The following NFE2L2 variants were observed in gnomAD, a reference collection of about 807,000 sequenced individuals.
NFE2L2 encodes the protein NFE2 like bZIP transcription factor 2, also known as nuclear factor erythroid 2-related factor 2.
A neutral mutation model predicts 49.6 loss-of-function variants in NFE2L2; 20 were observed. The ratio of observed to expected loss-of-function variants is 0.40; its 90% CI spans 0.28 to 0.59. The LOEUF (loss-of-function observed/expected upper bound fraction) is 0.59. NFE2L2 is among the 20% of genes least tolerant of loss of function. The probability of loss-of-function intolerance (pLI) is 0.40; values close to 1 mark genes in which losing one functional copy is unlikely to be tolerated. For synonymous variants in NFE2L2, 244 were observed against 256.5 expected (o/e 0.95, Z 0.47); for missense variants, 578 against 714.2 (o/e 0.81, Z 2.17).
chr2:177,262,266 G>C (rs1258626807), intron 1 of NFE2L2, among the ~76,000 whole-genome samples: 2 of 152,110 alleles, frequency 1.3e-5, no homozygotes, highest in African/African-American at 4.8e-5. Flanking sequence ...TAATCTCATC[G>C]GTCTATTTCA....
At chr2:177,251,191 C>T (rs1238118877) in intron 1 of NFE2L2, among the ~76,000 whole-genome samples, 2 of 152,220 alleles carry the variant, frequency 1.3e-5, no homozygotes, top group African/African-American at 4.8e-5. Context: ...TCTTTCCCTT[C>T]ACAGCTCTGG....
chr2:177,264,632 C>G lies in NFE2L2; in HGVS notation c.-56G>C, dbSNP rs1690870700. The stretch of plus-strand genomic sequence containing the variant: ...CCGACGGCGGCCCTGTTCCGGCTGC[C>G]GAGGCGCGGCGCGGACAGGGCGGCT... On this transcript the variant is annotated 5_prime_UTR_variant, in exon 1 of 5. Coordinates refer to ENST00000397062, the MANE Select transcript of NFE2L2 (RefSeq NM_006164.5). 1.4e-6 allele frequency: 2 copies of G among 1,390,034 alleles called. No homozygotes were observed. The highest frequency in any genetic ancestry group is 1.9e-6 in the Non-Finnish European group (2 of 1,059,446). The allele number at this position is 1,390,034 out of a possible 1,614,324, so 86.1% of individuals were successfully genotyped here.
chr2:177,261,290 C>T (rs1019356511), intron 1 of NFE2L2, among the ~76,000 whole-genome samples: 5 of 152,112 alleles, frequency 3.3e-5, no homozygotes, highest in African/African-American at 1.2e-4. Context: ...TGTATTCACT[C>T]TCCCTGTATT....
chr2:177,264,067 G>A (rs1278909431), intron 1 of NFE2L2, among the ~76,000 whole-genome samples: 1 of 152,116 alleles, frequency 6.6e-6, no homozygotes, highest in Non-Finnish European at 1.5e-5. Context: ...CCCGAGAGCG[G>A]CCCCGTGACT....
At chr2:177,264,157 C>T (rs1690853174) in intron 1 of NFE2L2, among the ~76,000 whole-genome samples, 1 of 152,116 alleles carries the variant, frequency 6.6e-6, no homozygotes, top group Non-Finnish European at 1.5e-5. Flanking sequence ...AGACGGCCAG[C>T]GTCCGCCCCC....
chr2:177,237,815 A>G (rs1689804318), intron 1 of NFE2L2, among the ~76,000 whole-genome samples: 1 of 152,094 alleles, frequency 6.6e-6, no homozygotes, highest in African/African-American at 2.4e-5. Flanking sequence ...CACCACGCCC[A>G]GCTGAGAAAC....
At chr2:177,263,901 C>A in intron 1 of NFE2L2, 1 of 985,526 alleles carries the variant, frequency 1.0e-6, no homozygotes, top group Non-Finnish European at 1.2e-6. Context: ...CAAGAGAGCT[C>A]AAGGCTGCCA....
At chr2:177,236,304 G>A (rs535084059) in intron 1 of NFE2L2, among the ~76,000 whole-genome samples, 59 of 152,354 alleles carry the variant, frequency 3.9e-4, no homozygotes, top group Non-Finnish European at 7.9e-4. Context: ...GAAGGTTGGC[G>A]TTGGAATCTT....
In NFE2L2 at chr2:177,264,612, G is replaced by C; in HGVS notation, c.-36C>G. On this transcript the variant is annotated 5_prime_UTR_variant, in exon 1 of 5. Coordinates refer to ENST00000397062, the MANE Select transcript of NFE2L2 (RefSeq NM_006164.5). ...GGACCGTGTGTTGGGGCTCCCCGAC[G>C]GCGGCCCTGTTCCGGCTGCCGAGGC... is the stretch of plus-strand genomic sequence containing the variant. 1 of 1,441,456 alleles carries C rather than the reference G, an allele frequency of 6.9e-7. No individual in the cohort carries two copies. Among genetic ancestry groups the C allele is most frequent in the South Asian group, 1.4e-5 (1 of 70,786 alleles). The allele number at this position is 1,441,456 out of a possible 1,614,324, so 89.3% of individuals were successfully genotyped here.
At chr2:177,264,454 C>G in intron 1 of NFE2L2, 78 bp downstream of exon 1, 5 of 1,436,606 alleles carry the variant, frequency 3.5e-6, no homozygotes, top group Non-Finnish European at 4.7e-6. Context: ...TTGCGGCTGT[C>G]CCTCCCGGGC....
At position 177,231,511 on chromosome 2, in the gene NFE2L2, G is replaced by A. The variant is rs2105452794; in HGVS notation, c.1092C>T (p.Ser364=). Residue 364 remains serine, a synonymous_variant, in exon 5 of 5, where the codon TCC becomes TCT. Coordinates refer to ENST00000397062, the MANE Select transcript of NFE2L2 (RefSeq NM_006164.5). ...VASPEHSVES[S]SYGDTLLGLS... The stretch of plus-strand genomic sequence containing the variant: ...GGCCAAGTAGTGTGTCTCCATAGCT[G>A]GAAGATTCCACTGAGTGTTCTGGTG... 6.2e-7 allele frequency: 1 copy of A among 1,614,204 alleles called. No individual in the cohort carries two copies. The highest frequency in any genetic ancestry group is 8.5e-7 in the Non-Finnish European group (1 of 1,180,026).
chr2:177,230,826 G>C lies in NFE2L2; in HGVS notation c.1777C>G (p.Leu593Val), dbSNP rs1190343868. 1 of 1,593,474 alleles carries C rather than the reference G, an allele frequency of 6.3e-7. No homozygotes were observed. The highest frequency in any genetic ancestry group is 1.4e-5 in the African/African-American group (1 of 73,744). Reference sequence around the variant, plus strand: ...TCTGGCTTCTTACTTTTGGGAACAAGGAAAACATTGCCATCTCTTGTTTGC... The same window carrying C: ...TCTGGCTTCTTACTTTTGGGAACAACGAAAACATTGCCATCTCTTGTTTGC... ...LQQTRDGNVFLVPKSKKPDVK... is the reference protein window; with the variant it reads ...LQQTRDGNVFVVPKSKKPDVK... The change falls in exon 5 of 5, where the codon CTT becomes GTT. Residue 593 changes from leucine (L) to valine (V), a missense_variant. Physicochemically the swap from Leu to Val is conservative, Grantham distance 32. Coordinates refer to ENST00000397062, the MANE Select transcript of NFE2L2 (RefSeq NM_006164.5).
chr2:177,232,717 G>A (rs1053932560), intron 3 of NFE2L2, 134 bp from the exon 4 acceptor site: 43 of 792,114 alleles, frequency 5.4e-5, no homozygotes, highest in African/African-American at 1.4e-4. Context: ...TCATGACCCC[G>A]TTTGTAAATA....
intron 1 of NFE2L2, among the ~76,000 whole-genome samples, chr2:177,256,920 GCCC>G (rs1690547398): frequency 6.6e-6 from 1 of 152,188 alleles, no homozygotes; most frequent in African/African-American, 2.4e-5. Flanking sequence ...AGCTTCAGAA[GCCC>G]CCCAACCACC....
At position 177,246,045 on chromosome 2, in the gene NFE2L2, C is replaced by G. The variant is rs146588063; in HGVS notation, c.46-11774G>C. Among the ~76,000 whole-genome samples the G allele has an allele frequency of 6.7e-4, 102 of 152,358 alleles. 1 individual carries two copies. The highest frequency in any genetic ancestry group is 2.4e-3 in the African/African-American group (98 of 41,584). On this transcript the variant is annotated intron_variant, in intron 1 of 4. Transcript: ENST00000397062. ...ACCTTGAGCCTGGGAAGCTTGTCCA[C>G]TGCTCCTTGGTGTTCACACCACAAC...
chr2:177,245,669 GCA>G (rs1690097872), intron 1 of NFE2L2, among the ~76,000 whole-genome samples: 1 of 152,022 alleles, frequency 6.6e-6, no homozygotes, highest in African/African-American at 2.4e-5. Flanking sequence ...GAGTGCAGTG[GCA>G]CAATCTCAGC....
intron 1 of NFE2L2, among the ~76,000 whole-genome samples, chr2:177,238,330 C>G (rs1309283018): frequency 6.6e-6 from 1 of 152,186 alleles, no homozygotes; most frequent in Non-Finnish European, 1.5e-5. Flanking sequence ...CCCTCATGAG[C>G]TGGAAGAAAA....
In NFE2L2 at chr2:177,258,274, G is replaced by A. The variant is rs112008835; in HGVS notation, c.45+6258C>T. On this transcript the variant is annotated intron_variant, in intron 1 of 4. Coordinates refer to ENST00000397062, the MANE Select transcript of NFE2L2 (RefSeq NM_006164.5). Reference sequence around the variant, plus strand: ...AAAAGGAATGACGCTATTGATATACGTTGCAACATTTTTAAACCTTGAAAA... The same window carrying A: ...AAAAGGAATGACGCTATTGATATACATTGCAACATTTTTAAACCTTGAAAA... 1.4e-3 allele frequency among the ~76,000 whole-genome samples: 209 copies of A among 152,310 alleles called. 1 individual carries two copies. Among genetic ancestry groups the A allele is most frequent in the African/African-American group, 4.6e-3 (190 of 41,570 alleles).
Position 177,262,688 on chromosome 2 carries a change from C to T in NFE2L2, c.45+1844G>A, listed in dbSNP as rs1184290238. The stretch of plus-strand genomic sequence containing the variant: ...CTTAATGCGGTACATATGTTTCACG[C>T]ATTTTTGTATAAGGAATGTTATATT... On this transcript the variant is annotated intron_variant, in intron 1 of 4. Coordinates refer to ENST00000397062, the MANE Select transcript of NFE2L2 (RefSeq NM_006164.5). Among the ~76,000 whole-genome samples the T allele has an allele frequency of 2.0e-5, 3 of 152,240 alleles. No homozygotes were observed. The East Asian group carries it at 5.8e-4, about 29-fold the overall frequency.
Sources: gnomAD v4.1 joint callset for allele counts (sites outside exome capture counted in the v4.1 genomes callset) on GRCh38, gnomAD v4.1.1 for gene constraint, MANE v1.5 for transcripts, NCBI Gene and HGNC (gene_info 2026-07-23, HGNC 2026-07-21) for gene names.